The following NOL4 variants were observed in gnomAD, a reference collection of about 807,000 sequenced individuals.
The protein encoded by NOL4 is cancer/testis antigen 125.
In NOL4, 17 loss-of-function variants were observed where a neutral mutation model predicts 75.9. The ratio of observed to expected loss-of-function variants is 0.22; its 90% CI spans 0.15 to 0.34. The LOEUF (loss-of-function observed/expected upper bound fraction) is 0.34, where lower values mean the gene tolerates loss of function less well. Ranked by LOEUF, NOL4 falls within the 10% of genes least tolerant of loss-of-function variation. NOL4 has a pLI of 1.00. For missense variants in NOL4, 614 were observed against 793.5 expected (o/e 0.77, Z 2.72); for synonymous variants, 292 against 289.9 (o/e 1.01, Z -0.07).
intron 5 of NOL4, among the ~76,000 whole-genome samples, chr18:34,036,073 A>C (rs1457989252): frequency 6.6e-6 from 1 of 152,160 alleles, no homozygotes; most frequent in African/African-American, 2.4e-5. Context: ...ATAATCCTCA[A>C]GCTATTTCAA....
At chr18:33,874,852 A>G (rs978610623) in intron 10 of NOL4, among the ~76,000 whole-genome samples, 1 of 152,014 alleles carries the variant, frequency 6.6e-6, no homozygotes, top group Non-Finnish European at 1.5e-5. Context: ...GGTGAATCTT[A>G]TGGCCAAGTT....
intron 6 of NOL4, among the ~76,000 whole-genome samples, chr18:33,976,648 T>C (rs1047444765): frequency 1.3e-5 from 2 of 152,194 alleles, no homozygotes; most frequent in Non-Finnish European, 2.9e-5. Flanking sequence ...AAAAAAGTTA[T>C]GCATACTGTT....
intron 6 of NOL4, among the ~76,000 whole-genome samples, chr18:33,969,142 G>A (rs141272498): frequency 2.6e-5 from 4 of 152,118 alleles, no homozygotes; most frequent in East Asian, 3.9e-4. Flanking sequence ...TTAAAGCAGC[G>A]TTTATGAGTC....
intron 2 of NOL4, among the ~76,000 whole-genome samples, chr18:34,120,528 T>A (rs767105381): frequency 1.2e-4 from 18 of 152,152 alleles, no homozygotes; most frequent in Non-Finnish European, 2.1e-4. Context: ...GAGAATTTGA[T>A]GAGTATGTGG....
At chr18:34,217,238 T>G (rs947757296) in intron 1 of NOL4, among the ~76,000 whole-genome samples, 2 of 152,168 alleles carry the variant, frequency 1.3e-5, no homozygotes, top group African/African-American at 4.8e-5. Flanking sequence ...ATAATACATA[T>G]GTACATAAAT....
At chr18:34,160,776 T>C (rs748275108) in intron 1 of NOL4, among the ~76,000 whole-genome samples, 45 of 152,208 alleles carry the variant, frequency 3.0e-4, no homozygotes, top group Non-Finnish European at 4.6e-4. Context: ...ATTGGGGTAA[T>C]GAGCAAATTC....
At chr18:34,045,432 T>G (rs898133105) in intron 5 of NOL4, among the ~76,000 whole-genome samples, 1 of 152,176 alleles carries the variant, frequency 6.6e-6, no homozygotes, top group African/African-American at 2.4e-5. Flanking sequence ...AACAGAGCAC[T>G]GCTTCTACTT....
At chr18:33,867,052 T>C (rs2063463260) in intron 10 of NOL4, among the ~76,000 whole-genome samples, 1 of 152,136 alleles carries the variant, frequency 6.6e-6, no homozygotes, top group South Asian at 2.1e-4. Flanking sequence ...CATTCATAAT[T>C]CAACTTCATT....
chr18:33,956,484 T>C (rs1037976991), intron 8 of NOL4, among the ~76,000 whole-genome samples: 1 of 152,038 alleles, frequency 6.6e-6, no homozygotes, highest in African/African-American at 2.4e-5. Flanking sequence ...TCACAAACAC[T>C]AACAGCCTAG....
At chr18:34,108,521 G>A (rs1052816491) in intron 2 of NOL4, among the ~76,000 whole-genome samples, 1 of 152,100 alleles carries the variant, frequency 6.6e-6, no homozygotes, top group Non-Finnish European at 1.5e-5. Flanking sequence ...CATGCAAATG[G>A]TAACCAAAAG....
At chr18:34,191,732 T>C (rs2034931756) in intron 1 of NOL4, among the ~76,000 whole-genome samples, 1 of 152,122 alleles carries the variant, frequency 6.6e-6, no homozygotes, top group Admixed American at 6.6e-5. Flanking sequence ...ATAGTCCAAA[T>C]ATCTAGCTTC....
chr18:34,092,163 T>C (rs1302962059), intron 5 of NOL4, among the ~76,000 whole-genome samples: 3 of 152,056 alleles, frequency 2.0e-5, no homozygotes, highest in African/African-American at 7.2e-5. Flanking sequence ...TCAGTTACTC[T>C]ATGATCTTGG....
Position 33,896,375 on chromosome 18 carries a change from T to C in NOL4, c.1543-12951A>G, listed in dbSNP as rs547375112. On this transcript the variant is annotated intron_variant, in intron 9 of 10. Coordinates refer to ENST00000261592, the MANE Select transcript of NOL4 (RefSeq NM_003787.5). ...AGCTGGAGGCATCAGATTACTCAACTTCAAACTATACTACAAGGCTACAGT... is the reference window on the plus strand; with the variant it reads ...AGCTGGAGGCATCAGATTACTCAACCTCAAACTATACTACAAGGCTACAGT... 5.9e-5 allele frequency among the ~76,000 whole-genome samples: 9 copies of C among 152,166 alleles called. No homozygotes were observed. The South Asian group carries it at 1.9e-3, about 32-fold the overall frequency.
intron 5 of NOL4, among the ~76,000 whole-genome samples, chr18:34,058,095 C>G (rs2145080395): frequency 6.6e-6 from 1 of 152,190 alleles, no homozygotes; most frequent in Non-Finnish European, 1.5e-5. Context: ...GCTCACATCT[C>G]CAGGTCTATA....
intron 10 of NOL4, among the ~76,000 whole-genome samples, chr18:33,862,299 C>T (rs933435809): frequency 6.6e-6 from 1 of 152,078 alleles, no homozygotes; most frequent in Non-Finnish European, 1.5e-5. Context: ...AAACGTTAGA[C>T]CTAAAACCAT....
intron 9 of NOL4, among the ~76,000 whole-genome samples, chr18:33,938,098 G>A (rs1316339571): frequency 1.3e-5 from 2 of 152,026 alleles, no homozygotes; most frequent in Non-Finnish European, 2.9e-5. Flanking sequence ...GTGAAAAGAT[G>A]TCAGGCATTA....
At chr18:33,952,355 C>A (rs562099572) in intron 8 of NOL4, among the ~76,000 whole-genome samples, 1 of 152,144 alleles carries the variant, frequency 6.6e-6, no homozygotes, top group South Asian at 2.1e-4. Context: ...ATTAGTGAAC[C>A]AAGAGACAAC....
At chr18:34,163,861 C>T (rs900554780) in intron 1 of NOL4, among the ~76,000 whole-genome samples, 2 of 152,128 alleles carry the variant, frequency 1.3e-5, no homozygotes, top group African/African-American at 2.4e-5. Context: ...CTACAGTAAC[C>T]CAAACAGCAT....
chr18:34,133,897 C>T (rs940612180), intron 1 of NOL4, among the ~76,000 whole-genome samples: 2 of 152,056 alleles, frequency 1.3e-5, no homozygotes, highest in Admixed American at 6.6e-5. Flanking sequence ...GTGGCATGCA[C>T]CTGTAGTCCC....
Sources: allele counts gnomAD v4.1 joint callset (sites outside exome capture counted in the v4.1 genomes callset), GRCh38; gene constraint gnomAD v4.1.1; transcripts MANE v1.5; gene names NCBI Gene and HGNC (gene_info 2026-07-23, HGNC 2026-07-21).